Variants in HMG20A observed in about 807,000 individuals in gnomAD.
The protein encoded by HMG20A is high mobility group protein 20A.
Under a neutral mutation model 43.9 loss-of-function variants are expected in HMG20A, and 17 were observed. That is an observed-to-expected ratio of 0.39 (90% CI 0.27 to 0.58). The LOEUF is 0.58. HMG20A is among the 20% of genes least tolerant of loss of function. The pLI is 0.59. For missense variants in HMG20A, 341 were observed against 438.2 expected (o/e 0.78, Z 1.98); for synonymous variants, 132 against 147.5 (o/e 0.89, Z 0.76).
chr15:77,509,290 G>A, the HMG20A span, among the ~76,000 whole-genome samples: 5 of 151,440 alleles, frequency 3.3e-5, no homozygotes, highest in African/African-American at 4.9e-5. Context: ...ACAGGGTCTC[G>A]CTCCGTCACT....
chr15:77,510,322 C>G, the HMG20A span, among the ~76,000 whole-genome samples: 7 of 152,326 alleles, frequency 4.6e-5, no homozygotes, highest in Admixed American at 2.0e-4. Flanking sequence ...GGCAGTGGGC[C>G]TGAACCAGGG....
intron 9 of HMG20A, 57 bp downstream of exon 9, chr15:77,479,378 A>G: frequency 2.0e-6 from 3 of 1,512,034 alleles, no homozygotes; most frequent in South Asian, 2.3e-5. Flanking sequence ...ATAAGATGTC[A>G]TCAGACTTTA....
At chr15:77,516,557 T>A in the HMG20A span, among the ~76,000 whole-genome samples, 1 of 152,116 alleles carries the variant, frequency 6.6e-6, no homozygotes, top group Non-Finnish European at 1.5e-5. Flanking sequence ...ACCATGTGTG[T>A]CCCACTTGGG....
chr15:77,449,284 T>C (rs2073709311), intron 1 of HMG20A, among the ~76,000 whole-genome samples: 1 of 151,986 alleles, frequency 6.6e-6, no homozygotes, highest in African/African-American at 2.4e-5. Flanking sequence ...CTAAATTGCC[T>C]CTTCTCTCTC....
intron 9 of HMG20A, chr15:77,482,747 T>C (rs944414284): frequency 6.6e-6 from 1 of 152,134 alleles, no homozygotes; most frequent in African/African-American, 2.4e-5. Context: ...CAGGGCCATG[T>C]TTCTCATTGA....
the HMG20A span, among the ~76,000 whole-genome samples, chr15:77,493,866 A>G: frequency 6.6e-6 from 1 of 152,228 alleles, no homozygotes; most frequent in East Asian, 1.9e-4. Context: ...GAAATCAGAC[A>G]GCCTTGTGGG....
At chr15:77,501,825 G>A in the HMG20A span, among the ~76,000 whole-genome samples, 2 of 152,214 alleles carry the variant, frequency 1.3e-5, no homozygotes, top group African/African-American at 4.8e-5. Flanking sequence ...AGGAGGGAAG[G>A]TGCCTTAGAA....
intron 7 of HMG20A, chr15:77,478,002 T>C: frequency 2.0e-6 from 1 of 504,670 alleles, no homozygotes; most frequent in Non-Finnish European, 3.6e-6. Context: ...CTCAGGCTTC[T>C]GATTGTACAA....
chr15:77,461,060 C>A (rs745949330), intron 2 of HMG20A, among the ~76,000 whole-genome samples: 7 of 151,036 alleles, frequency 4.6e-5, no homozygotes, highest in African/African-American at 1.7e-4. Flanking sequence ...CTAGAAAGGT[C>A]GCAGAAAAGC....
At chr15:77,502,943 G>A in the HMG20A span, among the ~76,000 whole-genome samples, 6 of 152,122 alleles carry the variant, frequency 3.9e-5, no homozygotes, top group African/African-American at 1.4e-4. Flanking sequence ...CTCCAGGCTA[G>A]GCAACAGAGT....
intron 1 of HMG20A, among the ~76,000 whole-genome samples, chr15:77,429,423 G>A (rs991954021): frequency 1.3e-5 from 2 of 151,532 alleles, no homozygotes; most frequent in Non-Finnish European, 2.9e-5. Context: ...TTTCCCCCAT[G>A]TCCACATGTC....
chr15:77,490,593 C>T (rs1400498682), downstream of HMG20A, among the ~76,000 whole-genome samples: 1 of 152,064 alleles, frequency 6.6e-6, no homozygotes, highest in Non-Finnish European at 1.5e-5. Context: ...GAGGCCAAGG[C>T]GGGTAGATTT....
At chr15:77,490,376 A>G (rs1174441727), downstream of HMG20A, among the ~76,000 whole-genome samples, 1 of 152,186 alleles carries the variant, frequency 6.6e-6, no homozygotes, top group Non-Finnish European at 1.5e-5. Context: ...CAGAGAGACT[A>G]GGAGAAGGCT....
intron 2 of HMG20A, 141 bp downstream of exon 2, chr15:77,458,637 C>A: frequency 1.9e-6 from 1 of 529,536 alleles, no homozygotes; most frequent in Non-Finnish European, 3.4e-6. Context: ...AGAGTGACAG[C>A]CATCATAAAC....
At chr15:77,515,959 G>T in the HMG20A span, among the ~76,000 whole-genome samples, 21 of 152,128 alleles carry the variant, frequency 1.4e-4, no homozygotes, top group Non-Finnish European at 2.6e-4. Context: ...ACCCTCCAGG[G>T]GCCCTTAGTC....
chr15:77,442,777 T>G (rs537343870), intron 1 of HMG20A, among the ~76,000 whole-genome samples: 1 of 152,308 alleles, frequency 6.6e-6, no homozygotes, highest in African/African-American at 2.4e-5. Context: ...GGTGTTTTTC[T>G]GGAAAGGGGA....
chr15:77,430,508 G>C (rs1211638617), intron 1 of HMG20A, among the ~76,000 whole-genome samples: 2 of 152,228 alleles, frequency 1.3e-5, no homozygotes, highest in African/African-American at 4.8e-5. Context: ...AGAGAAGTGG[G>C]CTGATGTTCC....
chr15:77,458,668 A>G (rs1490120105), intron 2 of HMG20A, 172 bp downstream of exon 2: 11 of 473,188 alleles, frequency 2.3e-5, no homozygotes, highest in Middle Eastern at 5.3e-4. Context: ...TCTGCATTCA[A>G]TTATCTTTTG....
chr15:77,517,312 A>G, the HMG20A span, among the ~76,000 whole-genome samples: 3 of 152,092 alleles, frequency 2.0e-5, no homozygotes, highest in South Asian at 2.1e-4. Flanking sequence ...GGTTTCATCC[A>G]CATCTGTGTT....
Sources: allele counts gnomAD v4.1 joint callset (sites outside exome capture counted in the v4.1 genomes callset), GRCh38; gene constraint gnomAD v4.1.1; transcripts MANE v1.5; gene names NCBI Gene and HGNC (gene_info 2026-07-23, HGNC 2026-07-21).